COL26A1: variants seen among roughly 807,000 people sequenced by gnomAD.
The protein encoded by COL26A1 is collagen alpha-1(XXVI) chain.
A neutral mutation model predicts 59.3 loss-of-function variants in COL26A1; 41 were observed. The observed-to-expected ratio is 0.69, with a 90% confidence interval of 0.54 to 0.90. The LOEUF is 0.90. Among genes scored for constraint, COL26A1 ranks in the 40% least tolerant of loss-of-function variants. The probability of loss-of-function intolerance (pLI) is 0.00; values close to 1 mark genes in which losing one functional copy is unlikely to be tolerated. For missense variants in COL26A1, 612 were observed against 602.3 expected, an observed-to-expected ratio of 1.02 and a Z score of -0.17; for synonymous variants, 266 against 256.0, an observed-to-expected ratio of 1.04 and a Z score of -0.37.
chr7:101,468,555 C>T (rs1002689437), intron 3 of COL26A1, among the ~76,000 whole-genome samples: 6 of 152,188 alleles, frequency 3.9e-5, no homozygotes, highest in Non-Finnish European at 7.3e-5. Context: ...GCCTCCGTAA[C>T]GACCCACTGA....
At chr7:101,556,265 G>C (rs1169349684) in intron 12 of COL26A1, among the ~76,000 whole-genome samples, 1 of 152,212 alleles carries the variant, frequency 6.6e-6, no homozygotes, top group African/African-American at 2.4e-5. Context: ...TGACATAGGG[G>C]AGGCTTCCAT....
chr7:101,525,330 T>C (rs1795220728), intron 3 of COL26A1, among the ~76,000 whole-genome samples: 1 of 146,830 alleles, frequency 6.8e-6, no homozygotes, highest in East Asian at 2.1e-4. Flanking sequence ...TACAGGCGTG[T>C]GCCGCCATGC....
At chr7:101,379,135 T>C (rs1193590371) in intron 1 of COL26A1, among the ~76,000 whole-genome samples, 1 of 152,140 alleles carries the variant, frequency 6.6e-6, no homozygotes, top group Non-Finnish European at 1.5e-5. Flanking sequence ...CTTCCTGGCC[T>C]CCTTTGATTG....
intron 3 of COL26A1, among the ~76,000 whole-genome samples, chr7:101,510,415 C>T (rs1025200962): frequency 6.6e-6 from 1 of 152,190 alleles, no homozygotes; most frequent in African/African-American, 2.4e-5. Flanking sequence ...TAAAAGTCCC[C>T]TCCTGGGCCC....
At chr7:101,541,485 C>T (rs983534969) in intron 5 of COL26A1, among the ~76,000 whole-genome samples, 21 of 151,144 alleles carry the variant, frequency 1.4e-4, no homozygotes, top group African/African-American at 3.9e-4. Flanking sequence ...GTTGGGACTA[C>T]GAGTGCACAC....
At chr7:101,428,709 G>A (rs1006906806) in intron 2 of COL26A1, among the ~76,000 whole-genome samples, 5 of 151,856 alleles carry the variant, frequency 3.3e-5, no homozygotes, top group Admixed American at 6.6e-5. Context: ...ACACAGTCTT[G>A]TTATGTTGCT....
rs752875068 is a variant in COL26A1, at chr7:101,547,191, A to G, written c.892A>G (p.Thr298Ala). 1.9e-6 allele frequency: 3 copies of G among 1,599,422 alleles called. No homozygotes were observed. The highest frequency in any genetic ancestry group is 2.6e-6 in the Non-Finnish European group (3 of 1,174,522). The change falls in exon 8 of 13, where the codon ACA becomes GCA. Residue 298 changes from threonine (T) to alanine (A), a missense_variant. Physicochemically the swap from Thr to Ala is moderately conservative, Grantham distance 58. Transcript: ENST00000313669. The part of the protein sequence containing the change: ...DSRLASAIVD[T>A]VLAGVPGPRG... ...AAGGCTGGCCTCTGCCATCGTGGAC[A>G]CAGTGCTGGCAGGTGTCCCAGGACC...
chr7:101,368,977 C>T (rs576420368), intron 1 of COL26A1, among the ~76,000 whole-genome samples: 48 of 128,962 alleles, frequency 3.7e-4, no homozygotes, highest in African/African-American at 1.2e-3. Flanking sequence ...TGTGTGTGAG[C>T]GTAACAGTGT....
At chr7:101,551,176 A>G in intron 10 of COL26A1, 33 bp downstream of exon 10, 1 of 1,382,556 alleles carries the variant, frequency 7.2e-7, no homozygotes, top group South Asian at 1.2e-5. Context: ...GGCCTGGGCC[A>G]CTCCCAGGCA....
chr7:101,473,618 A>T, intron 3 of COL26A1, among the ~76,000 whole-genome samples: 1 of 48,306 alleles, frequency 2.1e-5, no homozygotes, highest in African/African-American at 8.1e-5. Context: ...CCACACACAC[A>T]CACACACACA....
chr7:101,404,397 C>G (rs138845045), intron 1 of COL26A1, among the ~76,000 whole-genome samples: 1 of 152,088 alleles, frequency 6.6e-6, no homozygotes, highest in Admixed American at 6.6e-5. Context: ...AATGTGAGAC[C>G]GGGAGACACT....
intron 3 of COL26A1, among the ~76,000 whole-genome samples, chr7:101,525,848 T>C (rs1385128546): frequency 6.6e-6 from 1 of 152,098 alleles, no homozygotes; most frequent in African/African-American, 2.4e-5. Flanking sequence ...TTTCTTCCTT[T>C]GACCCCCCTC....
intron 3 of COL26A1, among the ~76,000 whole-genome samples, chr7:101,525,417 G>C (rs1429812542): frequency 6.6e-6 from 1 of 151,220 alleles, no homozygotes; most frequent in African/African-American, 2.4e-5. Context: ...TCCTGAAGTC[G>C]TGATCTGCCC....
chr7:101,398,058 C>T (rs76401048), intron 1 of COL26A1, among the ~76,000 whole-genome samples: 2 of 152,158 alleles, frequency 1.3e-5, no homozygotes, highest in Non-Finnish European at 2.9e-5. Flanking sequence ...TCAGCATGAA[C>T]TCTATTGGGT....
chr7:101,494,001 T>C (rs1794527732), intron 3 of COL26A1, among the ~76,000 whole-genome samples: 1 of 151,616 alleles, frequency 6.6e-6, no homozygotes, highest in African/African-American at 2.4e-5. Flanking sequence ...GATCCCACAG[T>C]AAGGCTGACA....
intron 3 of COL26A1, among the ~76,000 whole-genome samples, chr7:101,494,942 G>T (rs1272713860): frequency 6.6e-6 from 1 of 152,206 alleles, no homozygotes; most frequent in Non-Finnish European, 1.5e-5. Context: ...GGGGAGAGGG[G>T]CTGCCTTCAT....
At chr7:101,498,871 CCG>C (rs924460062) in intron 3 of COL26A1, among the ~76,000 whole-genome samples, 5 of 152,194 alleles carry the variant, frequency 3.3e-5, no homozygotes, top group Admixed American at 2.0e-4. Flanking sequence ...TGGCTCCCCA[CCG>C]CGCGCGGCAC....
chr7:101,397,449 T>G (rs1271164022), intron 1 of COL26A1, among the ~76,000 whole-genome samples: 2 of 151,094 alleles, frequency 1.3e-5, no homozygotes, highest in African/African-American at 4.9e-5. Context: ...CTTTTCTCCT[T>G]CCTCCTTTCT....
rs1309023750 is a variant in COL26A1 at position 101,488,493 on chromosome 7, A to G, written c.385+40706A>G. Among the ~76,000 whole-genome samples, 7 of 148,890 alleles carry G rather than the reference A, an allele frequency of 4.7e-5. 1 individual carries two copies. Among genetic ancestry groups the G allele is most frequent in the African/African-American group, 1.5e-4 (6 of 40,480 alleles). ...TGGGTTCAAGTGATTCTCCTGCCTC[A>G]GCCTCCTGAGTAGCTGGGATTATAG... On this transcript the variant is annotated intron_variant, in intron 3 of 12. Transcript: ENST00000313669.
Sources: gnomAD v4.1 joint callset for allele counts (sites outside exome capture counted in the v4.1 genomes callset) on GRCh38, gnomAD v4.1.1 for gene constraint, MANE v1.5 for transcripts, NCBI Gene and HGNC (gene_info 2026-07-23, HGNC 2026-07-21) for gene names.